MEIS1: variants seen among roughly 807,000 people sequenced by gnomAD.
MEIS1 encodes Meis homeobox 1.
Under a neutral mutation model 50.8 loss-of-function variants are expected in MEIS1, and 5 were observed. That is an observed-to-expected ratio of 0.10 (90% CI 0.05 to 0.21). The LOEUF (loss-of-function observed/expected upper bound fraction) is 0.21. MEIS1 is among the 10% of genes least tolerant of loss of function. The pLI is 1.00. For synonymous variants in MEIS1, 176 were observed against 179.3 expected (o/e 0.98, Z 0.15); for missense variants, 318 against 517.3 (o/e 0.61, Z 3.74).
intron 9 of MEIS1, among the ~76,000 whole-genome samples, chr2:66,562,398 A>G (rs2103964039): frequency 6.6e-6 from 1 of 152,114 alleles, no homozygotes; most frequent in South Asian, 2.1e-4. Context: ...TCCAGTGGAA[A>G]AAAAAAAAGC....
intron 7 of MEIS1, among the ~76,000 whole-genome samples, chr2:66,475,978 C>G (rs544493788): frequency 6.6e-6 from 1 of 152,162 alleles, no homozygotes; most frequent in Non-Finnish European, 1.5e-5. Context: ...CCTTTCTTCT[C>G]TTGTCTGTCT....
chr2:66,556,010 T>C (rs894877391), intron 9 of MEIS1, among the ~76,000 whole-genome samples: 2 of 152,064 alleles, frequency 1.3e-5, no homozygotes, highest in African/African-American at 4.8e-5. Flanking sequence ...AGGGTTATGT[T>C]CTGCTTCGTT....
chr2:66,468,234 A>G (rs1672685660), intron 7 of MEIS1, among the ~76,000 whole-genome samples: 2 of 152,100 alleles, frequency 1.3e-5, no homozygotes, highest in African/African-American at 4.8e-5. Context: ...GCCTAACCAT[A>G]ATCAGAGCCT....
intron 8 of MEIS1, among the ~76,000 whole-genome samples, chr2:66,529,427 G>GTTATTTATTGTTA (rs746545368): frequency 1.5e-4 from 23 of 152,122 alleles, no homozygotes; most frequent in Non-Finnish European, 2.8e-4. Flanking sequence ...TCATTTATTT[G>GTTATTTATTGTTA]TTTATCTACT....
intron 8 of MEIS1, among the ~76,000 whole-genome samples, chr2:66,536,042 G>A (rs1674509745): frequency 6.6e-6 from 1 of 152,148 alleles, no homozygotes; most frequent in South Asian, 2.1e-4. Context: ...TTTGGCATAT[G>A]TTGAATTGAT....
intron 8 of MEIS1, among the ~76,000 whole-genome samples, chr2:66,531,932 TAAAAAA>T (rs1027255189): frequency 6.8e-6 from 1 of 146,010 alleles, no homozygotes; most frequent in South Asian, 2.2e-4. Flanking sequence ...GGCTCTCAGT[TAAAAAA>T]AAAAAAATCA....
intron 4 of MEIS1, 113 bp downstream of exon 4, chr2:66,440,725 C>T: frequency 1.5e-6 from 1 of 687,318 alleles, no homozygotes; most frequent in South Asian, 1.9e-5. Context: ...CTTCCCGTGC[C>T]TGCAGGTTGG....
chr2:66,468,538 G>T (rs953223305), intron 7 of MEIS1, among the ~76,000 whole-genome samples: 20 of 152,224 alleles, frequency 1.3e-4, no homozygotes, highest in African/African-American at 4.6e-4. Flanking sequence ...GAGGCTCAGA[G>T]CGATAAGGAG....
chr2:66,488,328 A>T (rs1164928385), intron 7 of MEIS1, among the ~76,000 whole-genome samples: 3 of 152,206 alleles, frequency 2.0e-5, no homozygotes, highest in Non-Finnish European at 4.4e-5. Context: ...AAGGGTTTTC[A>T]TGTTTTTCTC....
At chr2:66,500,849 T>C (rs563144659) in intron 7 of MEIS1, among the ~76,000 whole-genome samples, 1 of 152,148 alleles carries the variant, frequency 6.6e-6, no homozygotes, top group South Asian at 2.1e-4. Flanking sequence ...TACACACATA[T>C]ATACATGCAT....
chr2:66,439,781 C>A (rs1484947440), intron 2 of MEIS1, 62 bp from the exon 3 acceptor site: 2 of 1,606,882 alleles, frequency 1.2e-6, no homozygotes, highest in East Asian at 4.5e-5. Flanking sequence ...TTCTTGGGCA[C>A]CTTTTTCCAT....
intron 7 of MEIS1, among the ~76,000 whole-genome samples, chr2:66,510,555 GT>G (rs1395972782): frequency 6.6e-6 from 1 of 152,080 alleles, no homozygotes; most frequent in African/African-American, 2.4e-5. Context: ...ATGAATAAAA[GT>G]TTAGAATCAG....
chr2:66,553,095 T>C (rs915288895), intron 9 of MEIS1, among the ~76,000 whole-genome samples: 39 of 152,336 alleles, frequency 2.6e-4, no homozygotes, highest in Non-Finnish European at 4.4e-4. Context: ...ACTTGTTTGC[T>C]ATTCAACTAC....
intron 8 of MEIS1, among the ~76,000 whole-genome samples, chr2:66,546,055 G>C (rs1359253980): frequency 2.0e-5 from 3 of 152,120 alleles, no homozygotes; most frequent in Non-Finnish European, 4.4e-5. Context: ...AGCAAGGCAA[G>C]GGGTTTATTA....
chr2:66,535,248 A>G (rs1394110480), intron 8 of MEIS1, among the ~76,000 whole-genome samples: 1 of 152,218 alleles, frequency 6.6e-6, no homozygotes, highest in Non-Finnish European at 1.5e-5. Context: ...TCTCTTGTAT[A>G]GAATGAGGGC....
chr2:66,490,376 C>A (rs1047137297), intron 7 of MEIS1, among the ~76,000 whole-genome samples: 1 of 152,108 alleles, frequency 6.6e-6, no homozygotes, highest in Non-Finnish European at 1.5e-5. Context: ...TCAAACAAAC[C>A]CCCAACTCAA....
chr2:66,520,374 A>AGGAGGT (rs1553377994), intron 8 of MEIS1, among the ~76,000 whole-genome samples: 1 of 151,320 alleles, frequency 6.6e-6, no homozygotes, highest in African/African-American at 2.4e-5. Context: ...CCAGCTACTC[A>AGGAGGT]GGAGGCTGAG....
At chr2:66,524,261 T>C (rs1426732198) in intron 8 of MEIS1, among the ~76,000 whole-genome samples, 1 of 152,108 alleles carries the variant, frequency 6.6e-6, no homozygotes, top group Non-Finnish European at 1.5e-5. Flanking sequence ...TGAAAATCAG[T>C]ATGTAAAGGT....
At chr2:66,517,576 G>A (rs1674000899) in intron 8 of MEIS1, among the ~76,000 whole-genome samples, 1 of 152,122 alleles carries the variant, frequency 6.6e-6, no homozygotes, top group Admixed American at 6.6e-5. Flanking sequence ...ACCCAGGCTT[G>A]GATGACAAAA....
Sources: allele counts gnomAD v4.1 joint callset (sites outside exome capture counted in the v4.1 genomes callset), GRCh38; gene constraint gnomAD v4.1.1; transcripts MANE v1.5; gene names NCBI Gene and HGNC (gene_info 2026-07-23, HGNC 2026-07-21).